The following WDHD1 variants were observed in gnomAD, a reference collection of about 807,000 sequenced individuals.
WDHD1 encodes the protein WD repeat and HMG-box DNA binding protein 1.
WDHD1 carries 111 observed loss-of-function variants against 135.4 expected under a neutral mutation model. The observed-to-expected ratio is 0.82, with a 90% CI of 0.70 to 0.96. WDHD1 has a LOEUF of 0.96. WDHD1 is among the 40% of genes least tolerant of loss of function. The pLI, the probability that WDHD1 is intolerant of heterozygous loss-of-function variation, is 0.00. For synonymous variants in WDHD1, 434 were observed against 439.0 expected, an observed-to-expected ratio of 0.99 and a Z score of 0.14; for missense variants, 1,351 against 1,336.3, an observed-to-expected ratio of 1.01 and a Z score of -0.17.
chr14:55,003,771 C>T (rs2042017280), intron 7 of WDHD1, among the ~76,000 whole-genome samples: 3 of 151,918 alleles, frequency 2.0e-5, no homozygotes, highest in Admixed American at 2.0e-4. Context: ...ATCATGTTGG[C>T]CAGGCTGGTC....
chr14:54,977,161 A>G (rs1595085524), intron 16 of WDHD1, among the ~76,000 whole-genome samples: 2 of 151,952 alleles, frequency 1.3e-5, no homozygotes, highest in Middle Eastern at 6.8e-3. Flanking sequence ...TAGTTTTCTC[A>G]TATGTAAAAA....
intron 2 of WDHD1, among the ~76,000 whole-genome samples, chr14:55,015,489 A>T (rs185806710): frequency 1.3e-5 from 2 of 151,656 alleles, no homozygotes; most frequent in Admixed American, 1.3e-4. Context: ...CACATAACAC[A>T]TGGTTAAATC....
intron 16 of WDHD1, among the ~76,000 whole-genome samples, chr14:54,975,713 T>C (rs1315591161): frequency 6.6e-6 from 1 of 151,846 alleles, no homozygotes; most frequent in African/African-American, 2.4e-5. Flanking sequence ...CTTTTTTTTT[T>C]AAAGAGACGG....
At chr14:54,996,481 T>A (rs1434055542) in intron 10 of WDHD1, among the ~76,000 whole-genome samples, 1 of 152,046 alleles carries the variant, frequency 6.6e-6, no homozygotes, top group Non-Finnish European at 1.5e-5. Flanking sequence ...GTGTCTATAG[T>A]CCCAGCTACC....
intron 2 of WDHD1, among the ~76,000 whole-genome samples, chr14:55,014,432 A>G (rs1461131843): frequency 6.6e-6 from 1 of 152,212 alleles, no homozygotes; most frequent in Non-Finnish European, 1.5e-5. Flanking sequence ...AAAGATGGGT[A>G]TATAATCTGC....
At chr14:54,948,109 C>T (rs1005185888) in intron 24 of WDHD1, among the ~76,000 whole-genome samples, 7 of 151,932 alleles carry the variant, frequency 4.6e-5, no homozygotes, top group African/African-American at 1.4e-4. Flanking sequence ...CTTCAGCCTA[C>T]AGCTCCCAGC....
At chr14:55,008,775 A>G in intron 4 of WDHD1, 56 bp from the exon 5 acceptor site, 9 of 1,214,200 alleles carry the variant, frequency 7.4e-6, no homozygotes, top group Non-Finnish European at 1.1e-5. Flanking sequence ...GGCCTCTCCT[A>G]AAAGCTATGA....
intron 24 of WDHD1, among the ~76,000 whole-genome samples, chr14:54,948,899 G>T (rs770000548): frequency 1.1e-4 from 16 of 152,212 alleles, no homozygotes; most frequent in Non-Finnish European, 2.2e-4. Context: ...AGAGTCTGGA[G>T]TGGGCCTCCA....
chr14:54,957,131 C>A lies in WDHD1; in HGVS notation c.2819G>T (p.Gly940Val), dbSNP rs769250965. 1 of 1,614,084 alleles carries A rather than the reference C, an allele frequency of 6.2e-7. No individual in the cohort carries two copies. Among genetic ancestry groups the A allele is most frequent in the South Asian group, 1.1e-5 (1 of 91,076 alleles). ...ARSTNILDNM[G>V]KSSKKSTALS... ...TGCAGTGGATTTCTTGGATGATTTG[C>A]CCATATTGTCTAAAATATTAGTTGA... is the stretch of plus-strand genomic sequence containing the variant. Residue 940 changes from glycine to valine, a missense_variant, in exon 23 of 26, where the codon GGC becomes GTC. By Grantham distance (109) the Gly-to-Val change is moderately radical. Around this residue, in one of 2 missense-constraint regions of WDHD1, gnomAD observed 1,330 missense variants for 1,296.1 expected, o/e 1.03. Transcript: ENST00000360586.
chr14:54,960,613 C>G (rs1375553195), intron 21 of WDHD1, among the ~76,000 whole-genome samples: 4 of 150,710 alleles, frequency 2.7e-5, no homozygotes, highest in African/African-American at 9.8e-5. Context: ...AATTCTCCTG[C>G]CTCAGCCTCC....
Position 54,967,274 on chromosome 14 carries a change from A to T in WDHD1, c.2178+6T>A. On this transcript the variant is annotated splice_donor_region_variant and intron_variant, in intron 17 of 25. Transcript: ENST00000360586. ...TTCAAAGTGTCAAGGTAAGACTTCC[A>T]CATACCTCCATTTGTCCTTTCTCTG... is the stretch of plus-strand genomic sequence containing the variant. 1 of 1,601,618 alleles carries T rather than the reference A, an allele frequency of 6.2e-7. No homozygotes were observed. Among genetic ancestry groups the T allele is most frequent in the Non-Finnish European group, 8.5e-7 (1 of 1,170,460 alleles).
At chr14:55,010,538 G>C in intron 3 of WDHD1, 78 bp from the exon 4 acceptor site, 1 of 1,236,738 alleles carries the variant, frequency 8.1e-7, no homozygotes, top group Non-Finnish European at 1.1e-6. Flanking sequence ...TTAAAAATCC[G>C]GTAAAAAACA....
chr14:55,013,059 T>C (rs2042197113), intron 3 of WDHD1, among the ~76,000 whole-genome samples: 1 of 151,978 alleles, frequency 6.6e-6, no homozygotes, highest in Non-Finnish European at 1.5e-5. Flanking sequence ...TCACTTTTAA[T>C]AAACCACAAA....
intron 16 of WDHD1, among the ~76,000 whole-genome samples, chr14:54,973,409 C>G (rs1344740668): frequency 6.6e-6 from 1 of 152,142 alleles, no homozygotes; most frequent in African/African-American, 2.4e-5. Context: ...TTCAAATACC[C>G]TCCCTTCTTT....
intron 16 of WDHD1, among the ~76,000 whole-genome samples, chr14:54,971,144 C>T (rs890146483): frequency 1.3e-5 from 2 of 152,108 alleles, no homozygotes; most frequent in African/African-American, 2.4e-5. Context: ...CCAGAAGAAA[C>T]CCTAGCAAAT....
Position 54,987,278 on chromosome 14 carries a change from C to A in WDHD1, c.1636G>T (p.Ala546Ser). ...AGAAGCAGGGCACTAGTAGCGGCAG[C>A]AGCCCATCCTTGACCGAGACATATG... is the stretch of plus-strand genomic sequence containing the variant. Reference protein sequence around the residue: ...EAICLGQGWAAAATSALLLRL... With the variant: ...EAICLGQGWASAATSALLLRL... The change falls in exon 14 of 26, where the codon GCT (alanine) becomes TCT (serine). Residue 546 changes from alanine (A) to serine (S), a missense_variant. Physicochemically the swap from Ala to Ser is moderately conservative, Grantham distance 99. Coordinates refer to ENST00000360586, the MANE Select transcript of WDHD1 (RefSeq NM_007086.4). 6.2e-7 allele frequency: 1 copy of A among 1,614,094 alleles called. No individual in the cohort carries two copies. The highest frequency in any genetic ancestry group is 2.2e-5 in the East Asian group (1 of 44,872).
intron 16 of WDHD1, among the ~76,000 whole-genome samples, chr14:54,971,654 G>C (rs1177703799): frequency 1.4e-5 from 2 of 141,116 alleles, no homozygotes; most frequent in Admixed American, 7.7e-5. Context: ...GCTGCAGTGA[G>C]CCATGATCTC....
At chr14:54,981,232 T>C (rs1017700388) in intron 16 of WDHD1, among the ~76,000 whole-genome samples, 3 of 152,242 alleles carry the variant, frequency 2.0e-5, no homozygotes, top group Admixed American at 6.5e-5. Context: ...TTTATATTTA[T>C]TGTTATTTTA....
intron 23 of WDHD1, 22 bp from the exon 24 acceptor site, chr14:54,955,716 C>A: frequency 1.3e-6 from 2 of 1,498,584 alleles, no homozygotes; most frequent in Non-Finnish European, 1.8e-6. Context: ...AACATGAATA[C>A]TGCAATAACA....
Sources: gnomAD v4.1 joint callset for allele counts (sites outside exome capture counted in the v4.1 genomes callset) on GRCh38, gnomAD v4.1.1 for gene constraint, gnomAD v4.1.1 regional missense constraint, MANE v1.5 for transcripts, NCBI Gene and HGNC (gene_info 2026-07-23, HGNC 2026-07-21) for gene names.